HAO1: variants seen among roughly 807,000 people sequenced by gnomAD.
The protein encoded by HAO1 is hydroxyacid oxidase 1, also known as 2-Hydroxyacid oxidase 1.
A neutral mutation model predicts 39.7 loss-of-function variants in HAO1; 34 were observed. The observed-to-expected ratio is 0.86, with a 90% confidence interval of 0.65 to 1.14. The LOEUF (loss-of-function observed/expected upper bound fraction) is 1.14. HAO1 is among the 50% of genes most tolerant of loss of function. The pLI, the probability that HAO1 is intolerant of heterozygous loss-of-function variation, is 0.00. For synonymous variants in HAO1, 172 were observed against 173.2 expected, an observed-to-expected ratio of 0.99 and a Z score of 0.05; for missense variants, 479 against 464.5, an observed-to-expected ratio of 1.03 and a Z score of -0.29.
intron 3 of HAO1, among the ~76,000 whole-genome samples, chr20:7,913,393 G>C (rs917651754): frequency 2.0e-5 from 3 of 152,040 alleles, no homozygotes; most frequent in Non-Finnish European, 2.9e-5. Context: ...AAAAATCCAA[G>C]AGCACATTTT....
intron 5 of HAO1, among the ~76,000 whole-genome samples, chr20:7,892,361 A>G (rs1396370074): frequency 1.3e-5 from 2 of 152,298 alleles, no homozygotes; most frequent in Non-Finnish European, 1.5e-5. Context: ...CTGGGATTAC[A>G]GGCGTGAGCC....
intron 2 of HAO1, among the ~76,000 whole-genome samples, chr20:7,926,174 G>A (rs1425162170): frequency 6.6e-6 from 1 of 152,118 alleles, no homozygotes; most frequent in African/African-American, 2.4e-5. Flanking sequence ...AACAGACTTA[G>A]GTTCAAACCC....
At chr20:7,936,072 T>A (rs2050408727) in intron 1 of HAO1, among the ~76,000 whole-genome samples, 1 of 152,218 alleles carries the variant, frequency 6.6e-6, no homozygotes, top group South Asian at 2.1e-4. Flanking sequence ...AAGAAGAAAT[T>A]CTGCCTTCTA....
intron 2 of HAO1, among the ~76,000 whole-genome samples, chr20:7,916,174 T>C (rs961214091): frequency 1.3e-5 from 2 of 152,112 alleles, no homozygotes; most frequent in African/African-American, 4.8e-5. Flanking sequence ...CAAAAATTGG[T>C]AGTAAAATTG....
chr20:7,893,559 C>A (rs1431019503), intron 5 of HAO1, among the ~76,000 whole-genome samples: 4 of 152,152 alleles, frequency 2.6e-5, no homozygotes, highest in Non-Finnish European at 4.4e-5. Flanking sequence ...AGATGTTTTG[C>A]AGACCCTGTA....
rs1025749737 is a variant in HAO1 at position 7,929,565 on chromosome 20, T to C, written c.289+4919A>G. Among the ~76,000 whole-genome samples, 3 of 152,188 alleles carry C rather than the reference T, an allele frequency of 2.0e-5. No individual in the cohort carries two copies. The East Asian group carries it at 5.8e-4, about 29-fold the overall frequency. On this transcript the variant is annotated intron_variant, in intron 2 of 7. Coordinates refer to ENST00000378789, the MANE Select transcript of HAO1 (RefSeq NM_017545.3). ...TGGTCACTCTACAAACATGCAGCAG[T>C]GTAAAAAAGTAGAGTTCAGACAGGG...
intron 4 of HAO1, among the ~76,000 whole-genome samples, chr20:7,900,429 G>T (rs988304465): frequency 5.3e-5 from 8 of 152,118 alleles, no homozygotes; most frequent in African/African-American, 1.9e-4. Flanking sequence ...AAGTGTATCA[G>T]CACTATTTTT....
chr20:7,936,682 A>G (rs2050413933), intron 1 of HAO1, among the ~76,000 whole-genome samples: 1 of 152,116 alleles, frequency 6.6e-6, no homozygotes, highest in African/African-American at 2.4e-5. Flanking sequence ...CAGTCACTTT[A>G]GTAACTGCGG....
chr20:7,914,297 C>G lies in HAO1; in HGVS notation c.412G>C (p.Glu138Gln), dbSNP rs2050295809. The G allele has an allele frequency of 6.2e-7, 1 of 1,613,922 alleles. No individual in the cohort carries two copies. Among genetic ancestry groups the G allele is most frequent in the Non-Finnish European group, 8.5e-7 (1 of 1,179,976 alleles). The change falls in exon 3 of 8, where the codon GAA becomes CAA. Residue 138 changes from glutamate (E) to glutamine (Q), a missense_variant. By Grantham distance (29) the Glu-to-Gln change is conservative. Transcript: ENST00000378789. ...WLQLYIYKDR[E>Q]VTKKLVRQAE... ...TGCCGCACTAGCTTCTTGGTGACTT[C>G]TCGGTCCTTGTAGATATACAGTTGC... is the stretch of plus-strand genomic sequence containing the variant.
chr20:7,934,441 C>T (rs1221455200), intron 2 of HAO1, 43 bp downstream of exon 2: 5 of 1,523,196 alleles, frequency 3.3e-6, no homozygotes, highest in East Asian at 4.7e-5. Context: ...GGTCGATAAA[C>T]GTTAGCCTCC....
At chr20:7,923,276 C>T (rs1183000033) in intron 2 of HAO1, among the ~76,000 whole-genome samples, 1 of 152,192 alleles carries the variant, frequency 6.6e-6, no homozygotes, top group Admixed American at 6.5e-5. Context: ...TGGCAGTGTT[C>T]TCCCTCTGGC....
intron 2 of HAO1, among the ~76,000 whole-genome samples, chr20:7,914,813 C>A (rs373789616): frequency 2.6e-5 from 4 of 152,272 alleles, no homozygotes; most frequent in South Asian, 2.1e-4. Context: ...ATGAAATGAA[C>A]ACACCCATTA....
intron 2 of HAO1, among the ~76,000 whole-genome samples, chr20:7,924,597 C>T (rs2050350573): frequency 6.6e-6 from 1 of 152,006 alleles, no homozygotes; most frequent in African/African-American, 2.4e-5. Flanking sequence ...TTATTTGGAA[C>T]ATCAATTCAT....
rs200785017 is a variant in HAO1 at position 7,914,276 on chromosome 20, G to T, written c.433C>A (p.Arg145=). 2 of 1,613,856 alleles carry T rather than the reference G, an allele frequency of 1.2e-6. No individual in the cohort carries two copies. The highest frequency in any genetic ancestry group is 1.7e-5 in the Admixed American group (1 of 59,978). The change falls in exon 3 of 8, where the codon CGG becomes AGG. Residue 145 remains arginine, a synonymous_variant. Transcript: ENST00000378789. The stretch of plus-strand genomic sequence containing the variant: ...TTGTAGCCCATCTTCTCTGCCTGCC[G>T]CACTAGCTTCTTGGTGACTTCTCGG... ...KDREVTKKLV[R]QAEKMGYKAI...
At chr20:7,918,894 T>C (rs1370841250) in intron 2 of HAO1, among the ~76,000 whole-genome samples, 1 of 152,222 alleles carries the variant, frequency 6.6e-6, no homozygotes, top group Non-Finnish European at 1.5e-5. Context: ...ACTCACCTTA[T>C]CCATTGTCCA....
chr20:7,892,144 G>A (rs892917490), intron 5 of HAO1, among the ~76,000 whole-genome samples: 4 of 152,180 alleles, frequency 2.6e-5, no homozygotes, highest in African/African-American at 9.7e-5. Context: ...GAGTGCAGGG[G>A]CATGGATCTC....
chr20:7,885,498 T>C (rs773594968), intron 7 of HAO1, 23 bp downstream of exon 7: 13 of 1,506,456 alleles, frequency 8.6e-6, no homozygotes, highest in Non-Finnish European at 1.2e-5. Context: ...GAAAAGAAAG[T>C]TGTAAACAAG....
chr20:7,918,207 A>G (rs778326966), intron 2 of HAO1, among the ~76,000 whole-genome samples: 35 of 152,352 alleles, frequency 2.3e-4, no homozygotes, highest in Non-Finnish European at 4.0e-4. Flanking sequence ...CCCCAGAACA[A>G]ATATGAGTGA....
Position 7,905,456 on chromosome 20 carries a change from A to G in HAO1, c.721+698T>C, listed in dbSNP as rs556020656. Among the ~76,000 whole-genome samples, 390 of 152,338 alleles carry G rather than the reference A, an allele frequency of 2.6e-3. 1 individual carries two copies. The highest frequency in any genetic ancestry group is 9.0e-3 in the African/African-American group (374 of 41,578). ...TTACTCAAACATTTCAGTTAAAAAA[A>G]AGTTTTTGGCAGTTATCTATATAAC... On this transcript the variant is annotated intron_variant, in intron 4 of 7. Coordinates refer to ENST00000378789, the MANE Select transcript of HAO1 (RefSeq NM_017545.3).
Sources: gnomAD v4.1 joint callset for allele counts (sites outside exome capture counted in the v4.1 genomes callset) on GRCh38, gnomAD v4.1.1 for gene constraint, MANE v1.5 for transcripts, NCBI Gene and HGNC (gene_info 2026-07-23, HGNC 2026-07-21) for gene names.